The following TENM3 variants were observed in gnomAD, a reference collection of about 807,000 sequenced individuals.
TENM3 encodes teneurin transmembrane protein 3, also known as teneurin-3.
TENM3 carries 63 observed loss-of-function variants against 255.1 expected under a neutral mutation model. The ratio of observed to expected loss-of-function variants is 0.25; its 90% CI spans 0.20 to 0.30. The LOEUF is 0.30. TENM3 is among the 10% of genes least tolerant of loss of function. TENM3 has a pLI of 1.00. For synonymous variants in TENM3, 1,306 were observed against 1,322.3 expected, an observed-to-expected ratio of 0.99 and a Z score of 0.27; for missense variants, 2,929 against 3,461.1, an observed-to-expected ratio of 0.85 and a Z score of 3.86.
At chr4:182,557,668 G>A (rs546259564) in intron 3 of TENM3, among the ~76,000 whole-genome samples, 1 of 152,216 alleles carries the variant, frequency 6.6e-6, no homozygotes, top group South Asian at 2.1e-4. Context: ...ACATTTTGGA[G>A]TTGAAGTTCA....
At chr4:182,635,614 A>G (rs571957934) in intron 5 of TENM3, among the ~76,000 whole-genome samples, 1 of 152,356 alleles carries the variant, frequency 6.6e-6, no homozygotes, top group South Asian at 2.1e-4. Context: ...TCAAATTTTT[A>G]CTATTCCTTT....
the TENM3 span, among the ~76,000 whole-genome samples, chr4:181,536,331 A>C: frequency 5.3e-5 from 8 of 152,332 alleles, no homozygotes; most frequent in East Asian, 1.5e-3. Flanking sequence ...GGAATAATTC[A>C]GATATCCTGA....
chr4:182,347,744 T>C (rs1041757130), intron 3 of TENM3, among the ~76,000 whole-genome samples: 7 of 152,212 alleles, frequency 4.6e-5, no homozygotes. Context: ...CTAGGAAGAA[T>C]TGGGGCATCA....
the TENM3 span, among the ~76,000 whole-genome samples, chr4:181,525,074 CAG>C: frequency 6.6e-6 from 1 of 152,088 alleles, no homozygotes; most frequent in Non-Finnish European, 1.5e-5. Flanking sequence ...TTTTTAAAAA[CAG>C]AATATCGAAA....
the TENM3 span, among the ~76,000 whole-genome samples, chr4:181,703,027 C>T: frequency 6.6e-6 from 1 of 152,164 alleles, no homozygotes; most frequent in East Asian, 1.9e-4. Flanking sequence ...GCGAAATCAT[C>T]ATCGGGATTT....
intron 3 of TENM3, among the ~76,000 whole-genome samples, chr4:182,583,333 CTGTGTGTGTGTGTGTGTG>C (rs3073440): frequency 1.9e-4 from 27 of 143,512 alleles, no homozygotes; most frequent in South Asian, 7.0e-4. Flanking sequence ...GCTTAAACCT[CTGTGTGTGTGTGTGTGTG>C]TGTGTGTGTG....
At chr4:181,478,567 GA>G in the TENM3 span, among the ~76,000 whole-genome samples, 4 of 152,126 alleles carry the variant, frequency 2.6e-5, no homozygotes, top group East Asian at 7.7e-4. Flanking sequence ...CTTTGCTTTT[GA>G]AAATACACCG....
At position 182,504,102 on chromosome 4, in the gene TENM3, G is replaced by A. The variant is rs138867708; in HGVS notation, c.512-96822G>A. 1.8e-3 allele frequency among the ~76,000 whole-genome samples: 277 copies of A among 151,618 alleles called. 1 individual carries two copies. Among genetic ancestry groups the A allele is most frequent in the African/African-American group, 6.1e-3 (253 of 41,346 alleles). On this transcript the variant is annotated intron_variant, in intron 3 of 27. Transcript: ENST00000511685. ...GAGATGTTGGTTTTTGTTTATTACTGTGTACTCAGTACCCAGAATAGTGCC... is the reference window on the plus strand; with the variant it reads ...GAGATGTTGGTTTTTGTTTATTACTATGTACTCAGTACCCAGAATAGTGCC...
At chr4:181,467,805 A>G in the TENM3 span, among the ~76,000 whole-genome samples, 2 of 152,148 alleles carry the variant, frequency 1.3e-5, no homozygotes, top group Non-Finnish European at 2.9e-5. Context: ...TTTTAGTGTT[A>G]AGTCTTAAGT....
chr4:182,556,937 C>G (rs551608392), intron 3 of TENM3, among the ~76,000 whole-genome samples: 2 of 152,260 alleles, frequency 1.3e-5, no homozygotes, highest in East Asian at 3.9e-4. Flanking sequence ...TTAGGTTACC[C>G]TAGAGGCAGT....
chr4:182,197,132 T>C (rs1338687738), intron 1 of TENM3, among the ~76,000 whole-genome samples: 1 of 152,232 alleles, frequency 6.6e-6, no homozygotes, highest in Non-Finnish European at 1.5e-5. Context: ...CTATTTCCTA[T>C]ACAAATAATA....
the TENM3 span, among the ~76,000 whole-genome samples, chr4:181,576,798 TTTTC>T: frequency 1.6e-3 from 238 of 148,558 alleles, 2 homozygotes; most frequent in Non-Finnish European, 2.7e-3. Flanking sequence ...TTTCTTTTTC[TTTTC>T]TTTCTTTTCT....
At chr4:182,100,240 CT>C in the TENM3 span, among the ~76,000 whole-genome samples, 6 of 151,596 alleles carry the variant, frequency 4.0e-5, no homozygotes, top group South Asian at 1.3e-3. Flanking sequence ...CATAAACCAC[CT>C]TTTCCTTTCC....
intron 3 of TENM3, among the ~76,000 whole-genome samples, chr4:182,531,319 A>G (rs1739761220): frequency 6.6e-6 from 1 of 152,228 alleles, no homozygotes; most frequent in African/African-American, 2.4e-5. Flanking sequence ...GGGACATAAA[A>G]TAGGCTGTGA....
the TENM3 span, among the ~76,000 whole-genome samples, chr4:181,814,861 C>T: frequency 1.3e-5 from 2 of 151,668 alleles, no homozygotes; most frequent in Non-Finnish European, 2.9e-5. Context: ...ATATAAAGAA[C>T]CAAAGTTCAA....
intron 6 of TENM3, among the ~76,000 whole-genome samples, chr4:182,670,614 G>A (rs1471021221): frequency 2.0e-5 from 3 of 152,182 alleles, no homozygotes; most frequent in Admixed American, 6.5e-5. Flanking sequence ...CTGATGGTAC[G>A]TGTGTCATGT....
At chr4:181,614,498 AT>A in the TENM3 span, among the ~76,000 whole-genome samples, 1 of 152,218 alleles carries the variant, frequency 6.6e-6, no homozygotes, top group East Asian at 1.9e-4. Context: ...AAGAACCTGG[AT>A]GTTTAAACTC....
the TENM3 span, among the ~76,000 whole-genome samples, chr4:181,860,212 G>T: frequency 6.6e-6 from 1 of 152,102 alleles, no homozygotes; most frequent in Non-Finnish European, 1.5e-5. Context: ...CGCCTTAAGC[G>T]CCTGTTAACT....
At chr4:181,989,456 A>G in the TENM3 span, among the ~76,000 whole-genome samples, 2 of 152,294 alleles carry the variant, frequency 1.3e-5, no homozygotes, top group African/African-American at 4.8e-5. Flanking sequence ...ACTGCTAAAA[A>G]AAAATCTTTA....
Sources: allele counts gnomAD v4.1 joint callset (sites outside exome capture counted in the v4.1 genomes callset), GRCh38; gene constraint gnomAD v4.1.1; transcripts MANE v1.5; gene names NCBI Gene and HGNC (gene_info 2026-07-23, HGNC 2026-07-21).